The following SPATS2L variants were observed in gnomAD, a reference collection of about 807,000 sequenced individuals.
The protein encoded by SPATS2L is spermatogenesis associated serine rich 2 like, also known as SPATS2-like protein.
A neutral mutation model predicts 59.6 loss-of-function variants in SPATS2L; 30 were observed. That is an observed-to-expected ratio of 0.50 (90% CI 0.38 to 0.68). The LOEUF (loss-of-function observed/expected upper bound fraction) is 0.68, where lower values mean the gene tolerates loss of function less well. Ranked by LOEUF, SPATS2L falls within the 30% of genes least tolerant of loss-of-function variation. The pLI is 0.00. For synonymous variants in SPATS2L, 252 were observed against 263.5 expected, an observed-to-expected ratio of 0.96 and a Z score of 0.42; for missense variants, 615 against 700.0, an observed-to-expected ratio of 0.88 and a Z score of 1.37.
At chr2:200,443,532 G>T (rs1031342452) in intron 8 of SPATS2L, among the ~76,000 whole-genome samples, 2 of 152,112 alleles carry the variant, frequency 1.3e-5, no homozygotes, top group African/African-American at 4.8e-5. Flanking sequence ...ACCGCATGTG[G>T]TGCACAAGCG....
intron 12 of SPATS2L, among the ~76,000 whole-genome samples, chr2:200,475,790 G>A (rs1023147091): frequency 6.6e-6 from 1 of 152,200 alleles, no homozygotes; most frequent in Non-Finnish European, 1.5e-5. Flanking sequence ...CACAAATGAA[G>A]AACCTTATAT....
intron 3 of SPATS2L, among the ~76,000 whole-genome samples, chr2:200,411,049 A>G (rs1204185113): frequency 6.7e-6 from 1 of 149,922 alleles, no homozygotes; most frequent in Non-Finnish European, 1.5e-5. Flanking sequence ...ATATAATATT[A>G]GAGTCCTCAG....
intron 6 of SPATS2L, among the ~76,000 whole-genome samples, chr2:200,438,159 G>A (rs2084430332): frequency 1.3e-5 from 2 of 152,144 alleles, no homozygotes; most frequent in Non-Finnish European, 2.9e-5. Context: ...ATCTGAAAAG[G>A]CTGGGTTTTA....
rs751939491 is a variant in SPATS2L at position 200,459,757 on chromosome 2, G to C, written c.789-12G>C. 3 of 1,606,124 alleles carry C rather than the reference G, an allele frequency of 1.9e-6. No individual in the cohort carries two copies. In the South Asian group the frequency reaches 3.4e-5, roughly 18 times the overall value. ...ATTCTTTGCTTTTGTTTTTGTTTTTGTTTTTCCCCAGCATCATTGACAAAG... is the reference window on the plus strand; with the variant it reads ...ATTCTTTGCTTTTGTTTTTGTTTTTCTTTTTCCCCAGCATCATTGACAAAG... On this transcript the variant is annotated splice_polypyrimidine_tract_variant and intron_variant, in intron 8 of 12. Coordinates refer to ENST00000409140, the MANE Select transcript of SPATS2L (RefSeq NM_001100423.2).
chr2:200,367,914 A>G (rs893015454), intron 2 of SPATS2L, among the ~76,000 whole-genome samples: 7 of 152,238 alleles, frequency 4.6e-5, no homozygotes, highest in African/African-American at 1.4e-4. Flanking sequence ...ATTTTGTCTC[A>G]TGGTTCTGAT....
intron 9 of SPATS2L, chr2:200,461,387 C>T: frequency 6.6e-6 from 1 of 152,138 alleles, no homozygotes; most frequent in East Asian, 1.9e-4. Context: ...AACCTTTCCA[C>T]TGTGGTAAAG....
At chr2:200,457,452 G>C (rs2085925526) in intron 8 of SPATS2L, among the ~76,000 whole-genome samples, 1 of 152,178 alleles carries the variant, frequency 6.6e-6, no homozygotes, top group South Asian at 2.1e-4. Context: ...GAGTAAGTTG[G>C]GGCAGAGATG....
At chr2:200,387,886 T>G (rs574771076) in intron 2 of SPATS2L, among the ~76,000 whole-genome samples, 29 of 152,320 alleles carry the variant, frequency 1.9e-4, no homozygotes, top group African/African-American at 6.7e-4. Flanking sequence ...AGTCTTAAGA[T>G]CTGTCTTCCA....
At chr2:200,460,128 A>T (rs1040411044) in intron 9 of SPATS2L, among the ~76,000 whole-genome samples, 1 of 152,230 alleles carries the variant, frequency 6.6e-6, no homozygotes, top group African/African-American at 2.4e-5. Context: ...GTTTGTGCAC[A>T]TAAAGAACTT....
intron 3 of SPATS2L, among the ~76,000 whole-genome samples, chr2:200,396,064 A>G (rs1369489583): frequency 2.9e-5 from 2 of 70,096 alleles, no homozygotes; most frequent in African/African-American, 8.8e-5. Flanking sequence ...ATATATATAT[A>G]TATTTTCCCA....
intron 2 of SPATS2L, among the ~76,000 whole-genome samples, chr2:200,385,650 C>T (rs1364767176): frequency 6.6e-6 from 1 of 152,086 alleles, no homozygotes; most frequent in East Asian, 1.9e-4. Flanking sequence ...CAGTGTTTGT[C>T]CTTAGCAGTA....
chr2:200,335,263 A>C (rs1379758858), intron 2 of SPATS2L, among the ~76,000 whole-genome samples: 1 of 152,170 alleles, frequency 6.6e-6, no homozygotes, highest in Non-Finnish European at 1.5e-5. Flanking sequence ...ATCGGATACC[A>C]AGACAGTGCT....
chr2:200,341,893 T>C (rs1559052621), intron 2 of SPATS2L, among the ~76,000 whole-genome samples: 1 of 152,032 alleles, frequency 6.6e-6, no homozygotes, highest in African/African-American at 2.4e-5. Flanking sequence ...GGTTTCACCA[T>C]GTTAGCCAGG....
At chr2:200,326,814 A>T (rs1395803130) in intron 1 of SPATS2L, among the ~76,000 whole-genome samples, 2 of 151,652 alleles carry the variant, frequency 1.3e-5, no homozygotes, top group Admixed American at 1.3e-4. Flanking sequence ...TGCAACCTGC[A>T]GCCTCTGCCT....
intron 9 of SPATS2L, among the ~76,000 whole-genome samples, chr2:200,464,331 CAT>C (rs2106204433): frequency 6.6e-6 from 1 of 152,288 alleles, no homozygotes; most frequent in South Asian, 2.1e-4. Context: ...ATGTAAAATG[CAT>C]TTTAACACTT....
chr2:200,391,507 G>A (rs1167446736), intron 3 of SPATS2L, among the ~76,000 whole-genome samples: 2 of 152,162 alleles, frequency 1.3e-5, no homozygotes. Context: ...ACTGCCAAAG[G>A]AGGTCCATGT....
chr2:200,375,393 G>T (rs2081565704), intron 2 of SPATS2L, among the ~76,000 whole-genome samples: 1 of 152,120 alleles, frequency 6.6e-6, no homozygotes, highest in South Asian at 2.1e-4. Context: ...TGGGTATAAG[G>T]CTCTACAGTA....
rs74813014 is a variant in SPATS2L, at chr2:200,470,425, G to GC, written c.1060+413dup. ...TGTGCAGGGCCCAGCTGTTATGCGA[G>GC]CCCCTCAGCAGTGCCCTGAGCCTCC... On this transcript the variant is annotated intron_variant, in intron 11 of 12. Coordinates refer to ENST00000409140, the MANE Select transcript of SPATS2L (RefSeq NM_001100423.2). Among the ~76,000 whole-genome samples the GC allele has an allele frequency of 2.8e-4, 43 of 152,338 alleles. No individual in the cohort carries two copies. In the East Asian group the frequency reaches 8.1e-3, roughly 29 times the overall value.
intron 10 of SPATS2L, 131 bp from the exon 11 acceptor site, chr2:200,469,783 A>G (rs1396518379): frequency 3.0e-6 from 2 of 660,542 alleles, no homozygotes; most frequent in Admixed American, 6.0e-5. Flanking sequence ...CCTCCCAGCA[A>G]CAGGGCTGGA....
Sources: allele counts gnomAD v4.1 joint callset (sites outside exome capture counted in the v4.1 genomes callset), GRCh38; gene constraint gnomAD v4.1.1; transcripts MANE v1.5; gene names NCBI Gene and HGNC (gene_info 2026-07-23, HGNC 2026-07-21).